Variants in LBP observed in about 807,000 individuals in gnomAD.
LBP encodes the protein lipopolysaccharide-binding protein.
Under a neutral mutation model 56.6 loss-of-function variants are expected in LBP, and 53 were observed. The observed-to-expected ratio is 0.94, with a 90% CI of 0.75 to 1.18. The LOEUF is 1.18. Among genes scored for constraint, LBP ranks in the 50% most tolerant of loss-of-function variants. LBP has a pLI of 0.00. For missense variants in LBP, 601 were observed against 598.3 expected, an observed-to-expected ratio of 1.00 and a Z score of -0.05; for synonymous variants, 227 against 247.5, an observed-to-expected ratio of 0.92 and a Z score of 0.78.
At position 38,368,983 on chromosome 20, in the gene LBP, TTCTGCTCCCAGTTAGCCAGG is replaced by T; in HGVS notation, c.982-11_990del. On this transcript the variant is annotated splice_acceptor_variant and splice_polypyrimidine_tract_variant and coding_sequence_variant and intron_variant, in exon 10 of 15. Transcript: ENST00000217407. LOFTEE classifies it high-confidence loss of function. ...TTCTTCTCTTGATGTAATCTCCTAA[TTCTGCTCCCAGTTAGCCAGG>T]CTCTACCCCAACATGAACCTGGAAC... The T allele has an allele frequency of 6.2e-7, 1 of 1,613,640 alleles. No homozygotes were observed. Among genetic ancestry groups the T allele is most frequent in the Non-Finnish European group, 8.5e-7 (1 of 1,179,552 alleles).
Position 38,354,343 on chromosome 20 carries a change from T to C in LBP, c.428T>C (p.Leu143Pro). 6.2e-7 allele frequency: 1 copy of C among 1,613,826 alleles called. No individual in the cohort carries two copies. Among genetic ancestry groups the C allele is most frequent in the African/African-American group, 1.3e-5 (1 of 75,036 alleles). ...GGCATCAGCATTTCGGTCAACCTCC[T>C]GTTGGGCAGCGAGTCCTCCGGGAGG... ...VKGISISVNL[L>P]LGSESSGRPT... The change falls in exon 4 of 15, where the codon CTG becomes CCG. Residue 143 changes from leucine (L) to proline (P), a missense_variant. Transcript: ENST00000217407.
intron 3 of LBP, among the ~76,000 whole-genome samples, chr20:38,353,424 TG>T (rs902223856): frequency 2.7e-5 from 4 of 150,768 alleles, no homozygotes; most frequent in African/African-American, 9.7e-5. Flanking sequence ...TGCATAACAT[TG>T]GGTGCCCACA....
rs2076898103 is a variant in LBP at position 38,370,763 on chromosome 20, C to T, written c.1175C>T (p.Thr392Ile). ...GCCACTAATGTGTCCGCCACCTTGA[C>T]CTTCAATACCAGCAAGATCACTGGG... ...SVATNVSATL[T>I]FNTSKITGFL... Residue 392 changes from threonine (T) to isoleucine (I), a missense_variant, in exon 11 of 15, where the codon ACC becomes ATC. Transcript: ENST00000217407. 4 of 1,614,128 alleles carry T rather than the reference C, an allele frequency of 2.5e-6. No individual in the cohort carries two copies. The highest frequency in any genetic ancestry group is 1.6e-4 in the Middle Eastern group (1 of 6,062).
intron 12 of LBP, 23 bp from the exon 13 acceptor site, chr20:38,373,049 A>G (rs1376687854): frequency 1.2e-6 from 2 of 1,610,110 alleles, no homozygotes; most frequent in Admixed American, 1.7e-5. Context: ...CGATGTAAAT[A>G]TATCTCTCCT....
At chr20:38,371,391 A>T in intron 12 of LBP, 69 bp downstream of exon 12, 2 of 1,133,198 alleles carry the variant, frequency 1.8e-6, no homozygotes, top group Non-Finnish European at 2.7e-6. Context: ...AGCAATTGCT[A>T]TGGCACCTAT....
intron 8 of LBP, among the ~76,000 whole-genome samples, chr20:38,365,717 A>AATATATATAT (rs1310925124): frequency 1.6e-4 from 7 of 43,706 alleles, no homozygotes; most frequent in Non-Finnish European, 3.1e-4. Context: ...AAAAAAAAAA[A>AATATATATAT]ATATATATAT....
chr20:38,348,408 G>A (rs987698613), intron 1 of LBP, among the ~76,000 whole-genome samples: 3 of 151,886 alleles, frequency 2.0e-5, no homozygotes, highest in African/African-American at 7.3e-5. Flanking sequence ...CGACTCCCTG[G>A]TTCAAGTGAT....
Position 38,371,277 on chromosome 20 carries a change from C to T in LBP, c.1218-3C>T. 1 of 1,610,450 alleles carries T rather than the reference C, an allele frequency of 6.2e-7. No homozygotes were observed. Among genetic ancestry groups the T allele is most frequent in the Non-Finnish European group, 8.5e-7 (1 of 1,177,162 alleles). ...CCTTTTAATCTTCTCTGATTCATTA[C>T]AGGGTAAAAGTGGAACTGAAAGAAT... On this transcript the variant is annotated splice_region_variant and splice_polypyrimidine_tract_variant and intron_variant, in intron 11 of 14. Coordinates refer to ENST00000217407, the MANE Select transcript of LBP (RefSeq NM_004139.5).
intron 3 of LBP, among the ~76,000 whole-genome samples, chr20:38,352,618 A>T (rs1218260696): frequency 6.6e-6 from 1 of 152,126 alleles, no homozygotes; most frequent in Non-Finnish European, 1.5e-5. Context: ...AGCTGGGCGT[A>T]GTGGCGCATG....
rs1303184360 is a variant in LBP, at chr20:38,365,721, T to A, written c.921+969T>A. On this transcript the variant is annotated intron_variant, in intron 8 of 14. Coordinates refer to ENST00000217407, the MANE Select transcript of LBP (RefSeq NM_004139.5). Reference sequence around the variant, plus strand: ...CAAAAAAAAAAAAAAAAAAAAAATATATATATATATATATATATATATATT... The same window carrying A: ...CAAAAAAAAAAAAAAAAAAAAAATAAATATATATATATATATATATATATT... Among the ~76,000 whole-genome samples, 183 of 58,066 alleles carry A rather than the reference T, an allele frequency of 3.2e-3. 2 individuals carry two copies. Among genetic ancestry groups the A allele is most frequent in the African/African-American group, 0.014 (176 of 12,236 alleles). 38.1% of individuals were successfully genotyped at this position (58,066 alleles called of 152,430 possible). A position where few individuals can be genotyped will look rare whatever the true frequency, so the allele number is the denominator to read the frequency against.
At chr20:38,351,081 T>A in intron 3 of LBP, 142 bp downstream of exon 3, 1 of 1,045,356 alleles carries the variant, frequency 9.6e-7, no homozygotes, top group Non-Finnish European at 1.4e-6. Flanking sequence ...GCCTGGGGAT[T>A]GAGTCCTGGC....
chr20:38,376,256 C>T lies in LBP; in HGVS notation c.1402-369C>T, dbSNP rs187402189. ...GTGGGAAAGAACTGAACTTGGCCTT[C>T]GGTTCAGAATTCCTGCCCCTCTGGG... On this transcript the variant is annotated intron_variant, in intron 14 of 14. Transcript: ENST00000217407. Among the ~76,000 whole-genome samples the T allele has an allele frequency of 1.1e-3, 164 of 152,258 alleles. 1 individual carries two copies. The highest frequency in any genetic ancestry group is 3.8e-3 in the African/African-American group (158 of 41,532).
chr20:38,368,260 C>T (rs997761256), intron 9 of LBP, among the ~76,000 whole-genome samples: 5 of 151,986 alleles, frequency 3.3e-5, no homozygotes, highest in Non-Finnish European at 5.9e-5. Flanking sequence ...AAAAAATGGG[C>T]CCAACTTTTC....
chr20:38,359,354 G>C (rs1247293752), intron 5 of LBP, among the ~76,000 whole-genome samples: 1 of 152,164 alleles, frequency 6.6e-6, no homozygotes, highest in Non-Finnish European at 1.5e-5. Flanking sequence ...GCCGATGGGG[G>C]TGGACCATTT....
intron 13 of LBP, among the ~76,000 whole-genome samples, 200 bp from the exon 14 acceptor site, chr20:38,373,737 A>G (rs1190837188): frequency 4.0e-5 from 6 of 149,722 alleles, no homozygotes; most frequent in Admixed American, 6.6e-5. Flanking sequence ...TGTGACCTAG[A>G]ACAAGTTACT....
chr20:38,369,903 T>A (rs995638302), intron 10 of LBP, among the ~76,000 whole-genome samples: 2 of 152,162 alleles, frequency 1.3e-5, no homozygotes, highest in African/African-American at 4.8e-5. Context: ...GGAAGGGATG[T>A]TGGGTCCTTT....
In LBP at chr20:38,364,665, C is replaced by T. The variant is rs753050773; in HGVS notation, c.834C>T (p.Tyr278=). 7.4e-6 allele frequency: 12 copies of T among 1,614,076 alleles called. No individual in the cohort carries two copies. The highest frequency in any genetic ancestry group is 7.6e-6 in the Non-Finnish European group (9 of 1,180,056). ...SLPEEHNKMV[Y]FAISDYVFNT... ...CTGAGGAACACAACAAAATGGTCTACTTTGCCATCTCGGATTATGTCTTCA... is the reference window on the plus strand; with the variant it reads ...CTGAGGAACACAACAAAATGGTCTATTTTGCCATCTCGGATTATGTCTTCA... Residue 278 remains tyrosine, a synonymous_variant, in exon 8 of 15, where the codon TAC becomes TAT. Transcript: ENST00000217407.
chr20:38,366,880 A>T, intron 9 of LBP, 52 bp downstream of exon 9: 1 of 1,520,736 alleles, frequency 6.6e-7, no homozygotes, highest in Non-Finnish European at 9.1e-7. Flanking sequence ...ACTAGACTCC[A>T]GAGGTTTCTC....
intron 13 of LBP, among the ~76,000 whole-genome samples, chr20:38,373,606 TG>T (rs1344742969): frequency 6.6e-6 from 1 of 152,010 alleles, no homozygotes; most frequent in Non-Finnish European, 1.5e-5. Flanking sequence ...GGGCAGGGAG[TG>T]GAACGCCCTG....
Sources: gnomAD v4.1 joint callset for allele counts (sites outside exome capture counted in the v4.1 genomes callset) on GRCh38, gnomAD v4.1.1 for gene constraint, MANE v1.5 for transcripts, NCBI Gene and HGNC (gene_info 2026-07-23, HGNC 2026-07-21) for gene names.